COL1A1: variants seen among roughly 807,000 people sequenced by gnomAD.
COL1A1 encodes the protein collagen alpha-1(I) chain.
Under a neutral mutation model 195.7 loss-of-function variants are expected in COL1A1, and 21 were observed. The ratio of observed to expected loss-of-function variants is 0.11; its 90% confidence interval spans 0.08 to 0.15. The LOEUF (loss-of-function observed/expected upper bound fraction) is 0.15. Ranked by LOEUF, COL1A1 falls within the 10% of genes least tolerant of loss-of-function variation. The pLI, the probability that COL1A1 is intolerant of heterozygous loss-of-function variation, is 1.00. For missense variants in COL1A1, 1,365 were observed against 2,051.0 expected (o/e 0.67, Z 6.46); for synonymous variants, 749 against 747.3 (o/e 1.00, Z -0.04).
At chr17:50,201,380 A>G (rs1908080651) in intron 1 of COL1A1, 31 bp downstream of exon 1, 3 of 1,602,162 alleles carry the variant, frequency 1.9e-6, no homozygotes, top group Non-Finnish European at 2.6e-6. Flanking sequence ...GATATAGAGT[A>G]TCCTTGCACT....
At position 50,199,748 on chromosome 17, in the gene COL1A1, C is replaced by G. The variant is rs757231152; in HGVS notation, c.298+5G>C. On this transcript the variant is annotated splice_donor_5th_base_variant and intron_variant, in intron 2 of 50. Transcript: ENST00000225964. ...CCAGGCCCCAGGCCCCGAGCGCAGCCGCACCTGAGCCGTCGGGGCAGACGG... is the reference window on the plus strand; with the variant it reads ...CCAGGCCCCAGGCCCCGAGCGCAGCGGCACCTGAGCCGTCGGGGCAGACGG... The G allele has an allele frequency of 6.2e-7, 1 of 1,610,972 alleles. No individual in the cohort carries two copies. The highest frequency in any genetic ancestry group is 1.7e-5 in the Admixed American group (1 of 59,972).
In COL1A1 at chr17:50,195,819, G is replaced by A. The variant is rs1027274400; in HGVS notation, c.1056+104C>T. On this transcript the variant is annotated intron_variant, in intron 16 of 50. Transcript: ENST00000225964. The surrounding 1 kb of genome is among the most constrained non-coding windows in gnomAD (Gnocchi z 4.3). ...ACCCAGGACAAAGGTGTTAGTGAAC[G>A]GGCTGCTCTCTTGCCACTCTGGGTC... 148 of 1,409,894 alleles carry A rather than the reference G, an allele frequency of 1.0e-4. No homozygotes were observed. Among genetic ancestry groups the A allele is most frequent in the Non-Finnish European group, 1.3e-4 (130 of 1,018,674 alleles). 87.3% of individuals were successfully genotyped at this position (1,409,894 alleles called of 1,614,324 possible).
rs1470898249 is a variant in COL1A1 at position 50,196,207 on chromosome 17, A to G, written c.958-8T>C. On this transcript the variant is annotated splice_polypyrimidine_tract_variant and splice_region_variant and intron_variant, in intron 14 of 50. Coordinates refer to ENST00000225964, the MANE Select transcript of COL1A1 (RefSeq NM_000088.4). ...ATCATTTCCACGAGCACCCTGCAGG[A>G]GAGAGGGGAAGCCCCGTTAAGTCCA... 1 of 1,613,994 alleles carries G rather than the reference A, an allele frequency of 6.2e-7. No homozygotes were observed. The highest frequency in any genetic ancestry group is 8.5e-7 in the Non-Finnish European group (1 of 1,179,950).
intron 28 of COL1A1, 38 bp downstream of exon 28, chr17:50,192,602 C>A: frequency 1.2e-6 from 2 of 1,614,100 alleles, no homozygotes; most frequent in Non-Finnish European, 1.7e-6. Flanking sequence ...TGTTTCCTAC[C>A]CCTACCTCCC....
At position 50,194,772 on chromosome 17, in the gene COL1A1, T is replaced by C; in HGVS notation, c.1410A>G (p.Gly470=). The C allele has an allele frequency of 1.3e-6, 2 of 1,572,688 alleles. No individual in the cohort carries two copies. Among genetic ancestry groups the C allele is most frequent in the Non-Finnish European group, 1.7e-6 (2 of 1,158,358 alleles). ...PGPAGEEGKR[G]ARGEPGPTGL... ...CAGTGGGTCCGGGTTCACCTCGAGC[T>C]CCTCGCTTTCCTTCCTCTCCAGCAG... The change falls in exon 21 of 51, where the codon GGA becomes GGG. Residue 470 remains glycine (G), a synonymous_variant. Coordinates refer to ENST00000225964, the MANE Select transcript of COL1A1 (RefSeq NM_000088.4). This position sits in a 1 kb window ranked among gnomAD's most constrained non-coding sequence, Gnocchi z 6.8.
chr17:50,196,365 GC>G lies in COL1A1; in HGVS notation c.905del (p.Gly302AlafsTer239). 1 of 1,613,620 alleles carries G rather than the reference GC, an allele frequency of 6.2e-7. No individual in the cohort carries two copies. Among genetic ancestry groups the G allele is most frequent in the Non-Finnish European group, 8.5e-7 (1 of 1,179,746 alleles). On this transcript the variant is annotated frameshift_variant and splice_region_variant, in exon 14 of 51. Coordinates refer to ENST00000225964, the MANE Select transcript of COL1A1 (RefSeq NM_000088.4). LOFTEE classifies it high-confidence loss of function. ...CTCTCTCACCAGGCAGGCCACGGGG[GC>G]CCTGACAACCAAACCAAGAGAAGTC... ...PGENGAPGQMGPRGLPGERGR... is the reference protein window; with the variant it reads ...PGENGAPGQMXPRGLPGERGR...
Position 50,186,718 on chromosome 17 carries a change from G to A in COL1A1, c.3736C>T (p.Arg1246Trp), listed in dbSNP as rs1458683196. 3.1e-6 allele frequency: 5 copies of A among 1,613,564 alleles called. No homozygotes were observed. Among genetic ancestry groups the A allele is most frequent in the African/African-American group, 2.7e-5 (2 of 74,924 alleles). The change falls in exon 48 of 51, where the codon CGG (arginine) becomes TGG (tryptophan). Residue 1246 changes from arginine (R) to tryptophan (W), a missense_variant. By Grantham distance (101) the Arg-to-Trp change is moderately radical (BLOSUM62 -3). Transcript: ENST00000225964. This position sits in a 1 kb window ranked among gnomAD's most constrained non-coding sequence, Gnocchi z 5.3. The stretch of plus-strand genomic sequence containing the variant: ...TTCTTGCGGCTGCCCTCTGGGCTCC[G>A]GATGTTCTCGATCTGCTGGCTCAGG... ...KSLSQQIENI[R>W]SPEGSRKNPA...
In COL1A1 at chr17:50,191,068, G is replaced by A. The variant is rs2079723489; in HGVS notation, c.2236-144C>T. Reference sequence around the variant, plus strand: ...GCCAAGGACTCAAAGATTCTTTCAGGAAAAAGGGTGCCTGCCTGGAGACTC... The same window carrying A: ...GCCAAGGACTCAAAGATTCTTTCAGAAAAAAGGGTGCCTGCCTGGAGACTC... On this transcript the variant is annotated intron_variant, in intron 32 of 50. Coordinates refer to ENST00000225964, the MANE Select transcript of COL1A1 (RefSeq NM_000088.4). 5 of 836,110 alleles carry A rather than the reference G, an allele frequency of 6.0e-6. No individual in the cohort carries two copies. In the Admixed American group the frequency reaches 8.2e-5, roughly 14 times the overall value. 51.8% of individuals were successfully genotyped at this position (836,110 alleles called of 1,614,324 possible).
chr17:50,201,326 C>G, intron 1 of COL1A1, 85 bp downstream of exon 1: 1 of 1,210,146 alleles, frequency 8.3e-7, no homozygotes, highest in Non-Finnish European at 1.2e-6. Flanking sequence ...GGATCATCCA[C>G]GTCTCGTTTT....
At chr17:50,197,300 G>T in intron 9 of COL1A1, 67 bp from the exon 10 acceptor site, 1 of 1,526,292 alleles carries the variant, frequency 6.6e-7, no homozygotes, top group Non-Finnish European at 9.1e-7. Flanking sequence ...TGGAAAAGTG[G>T]AGAAGGTCTC....
intron 9 of COL1A1, 23 bp from the exon 10 acceptor site, chr17:50,197,256 T>G (rs1484024421): frequency 1.9e-6 from 3 of 1,611,856 alleles, no homozygotes; most frequent in East Asian, 2.2e-5. Context: ...GAAAAGACCA[T>G]CATGCCTCTG....
At chr17:50,197,818 G>A in intron 8 of COL1A1, 33 bp from the exon 9 acceptor site, 1 of 1,601,758 alleles carries the variant, frequency 6.2e-7, no homozygotes. Context: ...TTAGAATATG[G>A]ATAAGAAAAA....
rs1382905902 is a variant in COL1A1 at position 50,190,263 on chromosome 17, TTCCGTCCCTCGAGGTCCCAGG to T, written c.2451+43_2451+63del. On this transcript the variant is annotated intron_variant, in intron 35 of 50. Coordinates refer to ENST00000225964, the MANE Select transcript of COL1A1 (RefSeq NM_000088.4). The surrounding 1 kb of genome is among the most constrained non-coding windows in gnomAD (Gnocchi z 4.7). Reference sequence around the variant, plus strand: ...AGGATGGCTGACGCCTTTGTCCTCATTCCGTCCCTCGAGGTCCCAGGTCCCAGTCGGTGATGAAAAATGATG... The same window carrying T: ...AGGATGGCTGACGCCTTTGTCCTCATTCCCAGTCGGTGATGAAAAATGATG... 9 of 1,340,524 alleles carry T rather than the reference TTCCGTCCCTCGAGGTCCCAGG, an allele frequency of 6.7e-6. No homozygotes were observed. In the African/African-American group the frequency reaches 1.2e-4, roughly 17 times the overall value. 83.0% of individuals were successfully genotyped at this position (1,340,524 alleles called of 1,614,324 possible). A position where few individuals can be genotyped will look rare whatever the true frequency, so the allele number is the denominator to read the frequency against.
At position 50,187,967 on chromosome 17, in the gene COL1A1, C is replaced by T. The variant is rs781491172; in HGVS notation, c.3278G>A (p.Arg1093His). 6.9e-5 allele frequency: 111 copies of T among 1,613,994 alleles called. No homozygotes were observed. Among genetic ancestry groups the T allele is most frequent in the South Asian group, 1.1e-4 (10 of 91,084 alleles). Residue 1093 changes from arginine (R) to histidine (H), a missense_variant, in exon 45 of 51, where the codon CGT (arginine) becomes CAT (histidine). Coordinates refer to ENST00000225964, the MANE Select transcript of COL1A1 (RefSeq NM_000088.4). ...TTCGCCTGTCTCACCCTTGTCACCA[C>T]GGGGGCCTTGGGGTCCCTAGAAGAG... The part of the protein sequence containing the change: ...ARGPAGPQGP[R>H]GDKGETGEQG...
rs774708577 is a variant in COL1A1 at position 50,195,968 on chromosome 17, G to C, written c.1011C>G (p.Thr337=). The C allele has an allele frequency of 6.3e-6, 10 of 1,594,710 alleles. No individual in the cohort carries two copies. In the South Asian group the frequency reaches 6.8e-5, roughly 11 times the overall value. The change falls in exon 16 of 51, where the codon ACC becomes ACG. Residue 337 remains threonine, a synonymous_variant. Transcript: ENST00000225964. The surrounding 1 kb of genome is among the most constrained non-coding windows in gnomAD (Gnocchi z 4.3). The part of the protein sequence containing the change: ...ATGAAGPPGP[T]GPAGPPGFPG... ...GGAAGCCAGGAGGACCAGCGGGGCCGGTGGGACCCTGTGAATGAAATGGAG... is the reference window on the plus strand; with the variant it reads ...GGAAGCCAGGAGGACCAGCGGGGCCCGTGGGACCCTGTGAATGAAATGGAG...
intron 25 of COL1A1, chr17:50,193,489 T>C (rs1436314796): frequency 1.3e-5 from 3 of 236,130 alleles, no homozygotes; most frequent in Admixed American, 1.0e-4. Flanking sequence ...TTCTTCTTTT[T>C]TTTTTTTTTT....
chr17:50,191,019 C>T, intron 32 of COL1A1, 95 bp from the exon 33 acceptor site: 1 of 1,154,342 alleles, frequency 8.7e-7, no homozygotes, highest in Non-Finnish European at 1.3e-6. Context: ...AGGCCCTCTG[C>T]AGCTCTGCCC....
Position 50,190,236 on chromosome 17 carries a change from T to G in COL1A1, c.2451+91A>C. On this transcript the variant is annotated intron_variant, in intron 35 of 50. Coordinates refer to ENST00000225964, the MANE Select transcript of COL1A1 (RefSeq NM_000088.4). The surrounding 1 kb of genome is among the most constrained non-coding windows in gnomAD (Gnocchi z 4.7). The stretch of plus-strand genomic sequence containing the variant: ...CAATCCCGTCTCCACCCTTCTCCCC[T>G]GAGGATGGCTGACGCCTTTGTCCTC... The G allele has an allele frequency of 7.9e-7, 1 of 1,270,580 alleles. No homozygotes were observed. Among genetic ancestry groups the G allele is most frequent in the Non-Finnish European group, 1.2e-6 (1 of 867,168 alleles). The allele number at this position is 1,270,580 out of a possible 1,614,324, so 78.7% of individuals were successfully genotyped here. A position where few individuals can be genotyped will look rare whatever the true frequency, so the allele number is the denominator to read the frequency against.
chr17:50,184,585 T>TGCCAA lies in COL1A1; in HGVS notation c.*916_*917insTTGGC. On this transcript the variant is annotated 3_prime_UTR_variant, in exon 51 of 51. Coordinates refer to ENST00000225964, the MANE Select transcript of COL1A1 (RefSeq NM_000088.4). ...TCTCAATTTCTATAGCACCAGTGAT[T>TGCCAA]CCCTCCCCACCCCACCCATCACATA... 1 of 225,290 alleles carries TGCCAA rather than the reference T, an allele frequency of 4.4e-6. No individual in the cohort carries two copies. The allele number at this position is 225,290 out of a possible 1,614,324, so 14.0% of individuals were successfully genotyped here.
Sources: gnomAD v4.1 joint callset for allele counts on GRCh38, gnomAD v4.1.1 for gene constraint, Gnocchi (gnomAD v3.1) non-coding constraint, MANE v1.5 for transcripts, NCBI Gene and HGNC (gene_info 2026-07-23, HGNC 2026-07-21) for gene names.